CACNA1D: variants seen among roughly 807,000 people sequenced by gnomAD.
The protein encoded by CACNA1D is voltage-dependent L-type calcium channel subunit alpha-1D.
In CACNA1D, 55 loss-of-function variants were observed where a neutral mutation model predicts 257.1. That is an observed-to-expected ratio of 0.21 (90% confidence interval 0.17 to 0.27). CACNA1D has a LOEUF of 0.27. Ranked by LOEUF, CACNA1D falls within the 10% of genes least tolerant of loss-of-function variation. The probability of loss-of-function intolerance (pLI) is 1.00; values close to 1 mark genes in which losing one functional copy is unlikely to be tolerated. For missense variants in CACNA1D, 1,876 were observed against 2,784.0 expected (o/e 0.67, Z 7.34); for synonymous variants, 980 against 1,014.9 (o/e 0.97, Z 0.65).
At chr3:53,661,997 T>A (rs1241380639) in intron 5 of CACNA1D, among the ~76,000 whole-genome samples, 1 of 152,206 alleles carries the variant, frequency 6.6e-6, no homozygotes, top group Non-Finnish European at 1.5e-5. Flanking sequence ...CAAACTCAAA[T>A]AGGCTTTTGA....
chr3:53,812,558 TGG>T lies in CACNA1D; in HGVS notation c.*1153_*1154del, dbSNP rs1404451423. On this transcript the variant is annotated 3_prime_UTR_variant, in exon 48 of 48. Coordinates refer to ENST00000350061, the MANE Select transcript of CACNA1D (RefSeq NM_001128840.3). ...ATCCACCATGGGTTGCAACTGTCTT[TGG>T]TTTTGTTTGTTTGACTTGAACCACC... 25 of 145,122 alleles carry T rather than the reference TGG, an allele frequency of 1.7e-4. No homozygotes were observed. The highest frequency in any genetic ancestry group is 6.7e-4 in the African/African-American group (25 of 37,242). 9.0% of individuals were successfully genotyped at this position (145,122 alleles called of 1,614,324 possible).
chr3:53,743,058 C>T lies in CACNA1D; in HGVS notation c.2859C>T (p.Asn953=). 6.2e-7 allele frequency: 1 copy of T among 1,613,996 alleles called. No individual in the cohort carries two copies. Among genetic ancestry groups the T allele is most frequent in the South Asian group, 1.1e-5 (1 of 91,082 alleles). ...AFLHKGAFCR[N]YFNLLDMLVV... is the part of the protein sequence containing the mutation. ...TCCACAAAGGGGCCTTCTGCAGGAA[C>T]TACTTCAATTTGCTGGATATGCTGG... Residue 953 remains asparagine (N), a synonymous_variant, in exon 22 of 48, where the codon AAC becomes AAT. Coordinates refer to ENST00000350061, the MANE Select transcript of CACNA1D (RefSeq NM_001128840.3).
At chr3:53,626,678 G>A (rs1271649305) in intron 3 of CACNA1D, among the ~76,000 whole-genome samples, 2 of 152,166 alleles carry the variant, frequency 1.3e-5, no homozygotes, top group Non-Finnish European at 2.9e-5. Context: ...CACCATCTTG[G>A]CTTATGATGT....
intron 23 of CACNA1D, among the ~76,000 whole-genome samples, chr3:53,745,120 T>C (rs2095155073): frequency 6.6e-6 from 1 of 152,244 alleles, no homozygotes; most frequent in East Asian, 1.9e-4. Context: ...GTTTATTTAG[T>C]CTTTCAGTTT....
chr3:53,584,587 A>G (rs1403076980), intron 3 of CACNA1D, among the ~76,000 whole-genome samples: 2 of 152,078 alleles, frequency 1.3e-5, no homozygotes, highest in Non-Finnish European at 2.9e-5. Context: ...AGGAAGGAAG[A>G]CTCAGTGCCT....
chr3:53,543,606 T>G (rs771385794), intron 3 of CACNA1D, among the ~76,000 whole-genome samples: 2 of 152,246 alleles, frequency 1.3e-5, no homozygotes, highest in Non-Finnish European at 2.9e-5. Context: ...TATTGATTGC[T>G]TACTATGTGC....
intron 3 of CACNA1D, among the ~76,000 whole-genome samples, chr3:53,613,931 C>T (rs1026909407): frequency 5.3e-5 from 8 of 151,646 alleles, no homozygotes; most frequent in Admixed American, 3.3e-4. Context: ...AAATTATTAA[C>T]CATAGTGGAA....
intron 3 of CACNA1D, among the ~76,000 whole-genome samples, chr3:53,518,523 T>C (rs918733175): frequency 6.6e-6 from 1 of 152,140 alleles, no homozygotes; most frequent in Non-Finnish European, 1.5e-5. Context: ...AATGAAGATA[T>C]CAGAACTTGC....
At chr3:53,525,046 T>G (rs1334179569) in intron 3 of CACNA1D, among the ~76,000 whole-genome samples, 4 of 152,130 alleles carry the variant, frequency 2.6e-5, no homozygotes, top group Admixed American at 2.6e-4. Flanking sequence ...CTCTCCTTCA[T>G]GTATGTGTGT....
At position 53,699,004 on chromosome 3, in the gene CACNA1D, C is replaced by A. The variant is rs77060969; in HGVS notation, c.1221-3637C>A. Among the ~76,000 whole-genome samples, 765 of 152,244 alleles carry A rather than the reference C, an allele frequency of 5.0e-3. 3 individuals carry two copies. Among genetic ancestry groups the A allele is most frequent in the Non-Finnish European group, 9.4e-3 (637 of 68,026 alleles). On this transcript the variant is annotated intron_variant, in intron 8 of 47. Coordinates refer to ENST00000350061, the MANE Select transcript of CACNA1D (RefSeq NM_001128840.3). Reference sequence around the variant, plus strand: ...AAAACAATCTCTTAGTAATAGGATTCTTAGAATATGATGAATTCTTATGCA... The same window carrying A: ...AAAACAATCTCTTAGTAATAGGATTATTAGAATATGATGAATTCTTATGCA...
At chr3:53,693,882 A>T (rs1173041781) in intron 8 of CACNA1D, among the ~76,000 whole-genome samples, 2 of 152,072 alleles carry the variant, frequency 1.3e-5, no homozygotes, top group African/African-American at 4.8e-5. Context: ...TGTTTGTTTA[A>T]ATTTTATGTG....
intron 40 of CACNA1D, chr3:53,796,403 A>C (rs548712006): frequency 2.2e-6 from 1 of 456,088 alleles, no homozygotes; most frequent in African/African-American, 2.0e-5. Flanking sequence ...GCTACAGCGT[A>C]GGTCCAGGGC....
intron 3 of CACNA1D, among the ~76,000 whole-genome samples, chr3:53,646,929 G>T (rs1188552347): frequency 6.6e-6 from 1 of 152,218 alleles, no homozygotes; most frequent in Admixed American, 6.5e-5. Context: ...CCCACCTCCT[G>T]CTAGTTGACA....
intron 44 of CACNA1D, among the ~76,000 whole-genome samples, chr3:53,804,018 C>T (rs1028846622): frequency 6.6e-6 from 1 of 152,288 alleles, no homozygotes; most frequent in South Asian, 2.1e-4. Context: ...TTCAAGGGGT[C>T]TCTCGGGGAG....
chr3:53,763,717 T>C (rs1461204857), intron 30 of CACNA1D, among the ~76,000 whole-genome samples: 1 of 152,156 alleles, frequency 6.6e-6, no homozygotes, highest in Admixed American at 6.5e-5. Flanking sequence ...GTGAAATCCC[T>C]GTATGCCACC....
chr3:53,608,958 G>C (rs2093548683), intron 3 of CACNA1D, among the ~76,000 whole-genome samples: 1 of 152,072 alleles, frequency 6.6e-6, no homozygotes, highest in Non-Finnish European at 1.5e-5. Flanking sequence ...TAAATGTCTG[G>C]TATTGTTGGC....
At chr3:53,501,447 G>A (rs1289492973) in intron 2 of CACNA1D, among the ~76,000 whole-genome samples, 168 bp from the exon 3 acceptor site, 3 of 152,180 alleles carry the variant, frequency 2.0e-5, no homozygotes, top group East Asian at 1.9e-4. Flanking sequence ...GATGACCACC[G>A]ATGATTACTT....
intron 3 of CACNA1D, among the ~76,000 whole-genome samples, chr3:53,629,540 G>A (rs145093674): frequency 3.0e-4 from 45 of 152,350 alleles, no homozygotes; most frequent in African/African-American, 1.1e-3. Context: ...TTTCTGGGGA[G>A]CTCTAATCAG....
intron 3 of CACNA1D, among the ~76,000 whole-genome samples, chr3:53,641,400 A>G (rs888214936): frequency 6.6e-6 from 1 of 152,122 alleles, no homozygotes; most frequent in African/African-American, 2.4e-5. Context: ...TTTATATATT[A>G]TCTGCCATCC....
Sources: gnomAD v4.1 joint callset for allele counts (sites outside exome capture counted in the v4.1 genomes callset) on GRCh38, gnomAD v4.1.1 for gene constraint, MANE v1.5 for transcripts, NCBI Gene and HGNC (gene_info 2026-07-23, HGNC 2026-07-21) for gene names.